SOX5: variants seen among roughly 807,000 people sequenced by gnomAD.
The protein encoded by SOX5 is SRY-box transcription factor 5, also known as transcription factor SOX-5.
SOX5 carries 9 observed loss-of-function variants against 92.0 expected under a neutral mutation model. The observed-to-expected ratio is 0.10, with a 90% confidence interval of 0.06 to 0.17. SOX5 has a LOEUF of 0.17. SOX5 is among the 10% of genes least tolerant of loss of function. The pLI is 1.00. For missense variants in SOX5, 642 were observed against 944.5 expected (o/e 0.68, Z 4.20); for synonymous variants, 344 against 336.3 (o/e 1.02, Z -0.25).
chr12:23,660,117 G>A (rs187754629), intron 7 of SOX5, among the ~76,000 whole-genome samples: 2 of 152,334 alleles, frequency 1.3e-5, no homozygotes, highest in African/African-American at 2.4e-5. Flanking sequence ...CCTCATTCAT[G>A]TATGGCAGAG....
intron 14 of SOX5, among the ~76,000 whole-genome samples, chr12:23,535,144 A>G (rs1940048624): frequency 6.6e-6 from 1 of 152,236 alleles, no homozygotes; most frequent in Admixed American, 6.5e-5. Flanking sequence ...AGAAGAACCC[A>G]GGTCCTTGAT....
At chr12:24,235,113 A>G (rs1964196098) in intron 3 of SOX5, among the ~76,000 whole-genome samples, 1 of 152,194 alleles carries the variant, frequency 6.6e-6, no homozygotes, top group Non-Finnish European at 1.5e-5. Context: ...GTCTCACACT[A>G]AAAAGACTTC....
chr12:23,808,479 T>C (rs142126586), intron 3 of SOX5, among the ~76,000 whole-genome samples: 28 of 152,300 alleles, frequency 1.8e-4, no homozygotes, highest in African/African-American at 6.5e-4. Context: ...ATTAATCAAA[T>C]ATTAATTTAA....
chr12:24,141,768 G>C (rs921423022), intron 4 of SOX5, among the ~76,000 whole-genome samples: 96 of 152,182 alleles, frequency 6.3e-4, no homozygotes, highest in African/African-American at 2.1e-3. Context: ...ATGTAAACAG[G>C]TGGTAATGGC....
chr12:23,961,347 A>G (rs1212021219), intron 4 of SOX5, among the ~76,000 whole-genome samples: 1 of 152,190 alleles, frequency 6.6e-6, no homozygotes, highest in Non-Finnish European at 1.5e-5. Flanking sequence ...TGCTTAAAAC[A>G]TATCATATAT....
At chr12:24,104,521 A>G (rs1247318875) in intron 4 of SOX5, among the ~76,000 whole-genome samples, 2 of 152,228 alleles carry the variant, frequency 1.3e-5, no homozygotes, top group Non-Finnish European at 2.9e-5. Flanking sequence ...AAAATTAAGT[A>G]ATTTATAGTA....
At chr12:24,292,015 A>G (rs987246754) in intron 2 of SOX5, among the ~76,000 whole-genome samples, 1 of 152,250 alleles carries the variant, frequency 6.6e-6, no homozygotes, top group Middle Eastern at 3.2e-3. Flanking sequence ...ACAAACTCTT[A>G]CAGAGCACTT....
At chr12:23,539,827 G>A (rs1941530833) in intron 13 of SOX5, among the ~76,000 whole-genome samples, 1 of 151,970 alleles carries the variant, frequency 6.6e-6, no homozygotes, top group African/African-American at 2.4e-5. Context: ...TCAAAACTAA[G>A]AATAAAGATA....
intron 4 of SOX5, among the ~76,000 whole-genome samples, chr12:24,018,080 C>T (rs1953864031): frequency 6.6e-6 from 1 of 152,152 alleles, no homozygotes; most frequent in Non-Finnish European, 1.5e-5. Flanking sequence ...TCACTTTCAT[C>T]CTATTAAATC....
At chr12:23,818,963 C>T (rs1290178433) in intron 3 of SOX5, among the ~76,000 whole-genome samples, 1 of 152,074 alleles carries the variant, frequency 6.6e-6, no homozygotes, top group African/African-American at 2.4e-5. Context: ...GATAACAATG[C>T]CTTCTTCTGG....
chr12:23,649,000 C>A (rs2081222731), intron 7 of SOX5, among the ~76,000 whole-genome samples: 1 of 152,100 alleles, frequency 6.6e-6, no homozygotes, highest in Admixed American at 6.6e-5. Context: ...ATTCACCCAA[C>A]ACATAAACAC....
chr12:24,112,175 A>G (rs1947427695), intron 4 of SOX5, among the ~76,000 whole-genome samples: 1 of 152,236 alleles, frequency 6.6e-6, no homozygotes, highest in Admixed American at 6.5e-5. Context: ...TAAAAACATC[A>G]TTAACGAGAG....
intron 1 of SOX5, among the ~76,000 whole-genome samples, chr12:23,899,460 T>C (rs574549138): frequency 1.3e-5 from 2 of 152,150 alleles, no homozygotes; most frequent in African/African-American, 4.8e-5. Flanking sequence ...TAGCTTACAT[T>C]ATATGACTTA....
intron 4 of SOX5, among the ~76,000 whole-genome samples, chr12:24,037,146 G>A (rs74068089): frequency 0.082 from 12,414 of 152,060 alleles, 872 homozygotes; most frequent in African/African-American, 0.19. Context: ...GGGGGAGGGA[G>A]AAAATAAACC....
chr12:24,237,961 T>C (rs1964840445), intron 3 of SOX5: 1 of 152,124 alleles, frequency 6.6e-6, no homozygotes, highest in Non-Finnish European at 1.5e-5. Context: ...TGGGCCATGG[T>C]AACTGAGAAA....
At chr12:24,128,726 T>C (rs139945105) in intron 4 of SOX5, among the ~76,000 whole-genome samples, 1 of 152,208 alleles carries the variant, frequency 6.6e-6, no homozygotes, top group East Asian at 1.9e-4. Flanking sequence ...AGACTTTAGG[T>C]TTAATTCATG....
intron 4 of SOX5, among the ~76,000 whole-genome samples, chr12:24,097,280 T>C (rs144574860): frequency 1.3e-5 from 2 of 152,288 alleles, no homozygotes; most frequent in East Asian, 3.9e-4. Flanking sequence ...AGTAGACTTA[T>C]TATATACAAT....
intron 3 of SOX5, among the ~76,000 whole-genome samples, chr12:24,267,590 C>G (rs1297187786): frequency 6.6e-6 from 1 of 152,112 alleles, no homozygotes; most frequent in African/African-American, 2.4e-5. Flanking sequence ...TTTCTGTACT[C>G]TAACTTTGCA....
chr12:24,265,098 A>C (rs1942813614), intron 3 of SOX5, among the ~76,000 whole-genome samples: 1 of 152,220 alleles, frequency 6.6e-6, no homozygotes, highest in African/African-American at 2.4e-5. Flanking sequence ...TCACTGTTAT[A>C]GCATATTATT....
Sources: gnomAD v4.1 joint callset for allele counts (sites outside exome capture counted in the v4.1 genomes callset) on GRCh38, gnomAD v4.1.1 for gene constraint, MANE v1.5 for transcripts, NCBI Gene and HGNC (gene_info 2026-07-23, HGNC 2026-07-21) for gene names.